Variants in H3-3B observed in about 807,000 individuals in gnomAD.
H3-3B encodes the protein H3.3 histone B, also known as histone H3.3.
Under a neutral mutation model 13.1 loss-of-function variants are expected in H3-3B, and 2 were observed. The observed-to-expected ratio is 0.15, with a 90% CI of 0.06 to 0.48. The LOEUF (loss-of-function observed/expected upper bound fraction) is 0.48. H3-3B is among the 20% of genes least tolerant of loss of function. The probability of loss-of-function intolerance (pLI) is 0.97; values close to 1 mark genes in which losing one functional copy is unlikely to be tolerated. For synonymous variants in H3-3B, 133 were observed against 75.8 expected (o/e 1.76, Z -3.92); for missense variants, 39 against 186.0 (o/e 0.21, Z 4.60).
chr17:75,779,124 G>C lies in H3-3B; in HGVS notation c.51C>G (p.Pro17=), dbSNP rs762748626. The stretch of plus-strand genomic sequence containing the variant: ...CGGCTTTCGTGGCCAGCTGTTTGCG[G>C]GGGGCTTTCCCACCGGTGGACTTAC... ...TARKSTGGKA[P]RKQLATKAAR... is the part of the protein sequence containing the mutation. The change falls in exon 2 of 4, where the codon CCC becomes CCG. Residue 17 remains proline (P), a synonymous_variant. Transcript: ENST00000254810. 9 of 1,603,764 alleles carry C rather than the reference G, an allele frequency of 5.6e-6. No homozygotes were observed. The Admixed American group carries it at 8.8e-5, about 16-fold the overall frequency.
intron 1 of H3-3B, 172 bp from the exon 2 acceptor site, chr17:75,779,356 C>T: frequency 1.7e-6 from 1 of 591,722 alleles, no homozygotes. Context: ...CCCCTAATGA[C>T]TCAGGCTGCG....
At chr17:75,779,438 C>T (rs991393336) in intron 1 of H3-3B, 2 of 318,760 alleles carry the variant, frequency 6.3e-6, no homozygotes, top group Non-Finnish European at 5.7e-6. Flanking sequence ...GGCGGAGGCC[C>T]GACTGCCCGG....
rs1006663660 is a variant in H3-3B, at chr17:75,776,879, G to A, written c.*1716C>T. ...AATCAAGTGTGCTTGTTCCAGAGCT[G>A]ATTATGAACTTTCTAGAAAAGCGGG... is the stretch of plus-strand genomic sequence containing the variant. On this transcript the variant is annotated 3_prime_UTR_variant, in exon 4 of 4. Coordinates refer to ENST00000254810, the MANE Select transcript of H3-3B (RefSeq NM_005324.5). 3 of 152,192 alleles carry A rather than the reference G, an allele frequency of 2.0e-5. No individual in the cohort carries two copies. Among genetic ancestry groups the A allele is most frequent in the Non-Finnish European group, 4.4e-5 (3 of 68,040 alleles). The allele number at this position is 152,192 out of a possible 1,614,324, so 9.4% of individuals were successfully genotyped here.
Position 75,778,058 on chromosome 17 carries a change from T to C in H3-3B, c.*537A>G, listed in dbSNP as rs1056934542. 3 of 152,658 alleles carry C rather than the reference T, an allele frequency of 2.0e-5. No individual in the cohort carries two copies. The highest frequency in any genetic ancestry group is 7.2e-5 in the African/African-American group (3 of 41,414). 9.5% of individuals were successfully genotyped at this position (152,658 alleles called of 1,614,324 possible). On this transcript the variant is annotated 3_prime_UTR_variant, in exon 4 of 4. Transcript: ENST00000254810. ...ACATTTAATTTAAAAATGTTGATAC[T>C]ACAATATATAAAATAGCTATTATAA...
intron 1 of H3-3B, 192 bp downstream of exon 1, chr17:75,779,465 C>A: frequency 7.4e-6 from 2 of 270,502 alleles, no homozygotes; most frequent in South Asian, 1.5e-4. Context: ...GCGTCGGGAC[C>A]TCTGAATCAC....
Position 75,778,745 on chromosome 17 carries a change from C to A in H3-3B, c.283-22G>T, listed in dbSNP as rs778487795. 4 of 1,614,170 alleles carry A rather than the reference C, an allele frequency of 2.5e-6. No individual in the cohort carries two copies. The East Asian group carries it at 8.9e-5, about 36-fold the overall frequency. On this transcript the variant is annotated intron_variant, in intron 3 of 3. Coordinates refer to ENST00000254810, the MANE Select transcript of H3-3B (RefSeq NM_005324.5). ...CCTCCTGTTGAGGACGAGAGCCGCA[C>A]TATTAATCCCACTCGGGGAGCGGAA...
In H3-3B at chr17:75,779,719, G is replaced by C. The variant is rs1450927883; in HGVS notation, c.-73C>G. 6.4e-6 allele frequency: 1 copy of C among 155,848 alleles called. No homozygotes were observed. Among genetic ancestry groups the C allele is most frequent in the Non-Finnish European group, 1.5e-5 (1 of 68,122 alleles). 9.7% of individuals were successfully genotyped at this position (155,848 alleles called of 1,614,324 possible). A position where few individuals can be genotyped will look rare whatever the true frequency, so the allele number is the denominator to read the frequency against. ...CGCCGCTTCCGCTGCCCGAGGAAGA[G>C]CCGCAGTCGACGAGCGAAAAACCAG... On this transcript the variant is annotated 5_prime_UTR_variant, in exon 1 of 4. Coordinates refer to ENST00000254810, the MANE Select transcript of H3-3B (RefSeq NM_005324.5).
chr17:75,779,248 G>T, intron 1 of H3-3B, 64 bp from the exon 2 acceptor site: 1 of 1,395,128 alleles, frequency 7.2e-7, no homozygotes, highest in Non-Finnish European at 9.3e-7. Flanking sequence ...AGGGCTGCGG[G>T]GGGAGGAACA....
intron 3 of H3-3B, 25 bp from the exon 4 acceptor site, chr17:75,778,748 T>C: frequency 6.2e-7 from 1 of 1,614,120 alleles, no homozygotes. Flanking sequence ...AGCCGCACTA[T>C]TAATCCCACT....
Position 75,777,324 on chromosome 17 carries a change from C to T in H3-3B, c.*1271G>A, listed in dbSNP as rs1361278412. 1.3e-5 allele frequency: 2 copies of T among 152,392 alleles called. No homozygotes were observed. The highest frequency in any genetic ancestry group is 4.8e-5 in the African/African-American group (2 of 41,420). 9.4% of individuals were successfully genotyped at this position (152,392 alleles called of 1,614,324 possible). ...GCTGTTCACATGCTTTCTACAGTATCTTTATAAATAAAAGGTTCCTTTATC... is the reference window on the plus strand; with the variant it reads ...GCTGTTCACATGCTTTCTACAGTATTTTTATAAATAAAAGGTTCCTTTATC... On this transcript the variant is annotated 3_prime_UTR_variant, in exon 4 of 4. Transcript: ENST00000254810.
At position 75,778,802 on chromosome 17, in the gene H3-3B, T is replaced by C. The variant is rs1376482349; in HGVS notation, c.282+8A>G. 1.9e-6 allele frequency: 3 copies of C among 1,614,150 alleles called. No homozygotes were observed. The highest frequency in any genetic ancestry group is 1.1e-5 in the South Asian group (1 of 91,082). Reference sequence around the variant, plus strand: ...CAGCCCTCCCCCGGCTCCAGGCCTTTGTCTTACCTGCAGCGCACCGATGGC... The same window carrying C: ...CAGCCCTCCCCCGGCTCCAGGCCTTCGTCTTACCTGCAGCGCACCGATGGC... On this transcript the variant is annotated splice_region_variant and intron_variant, in intron 3 of 3. Transcript: ENST00000254810.
Position 75,778,735 on chromosome 17 carries a change from G to A in H3-3B, c.283-12C>T, listed in dbSNP as rs774480907. The stretch of plus-strand genomic sequence containing the variant: ...GCTTCGCTAGCCTCCTGTTGAGGAC[G>A]AGAGCCGCACTATTAATCCCACTCG... On this transcript the variant is annotated splice_polypyrimidine_tract_variant and intron_variant, in intron 3 of 3. Transcript: ENST00000254810. 12 of 1,614,142 alleles carry A rather than the reference G, an allele frequency of 7.4e-6. No individual in the cohort carries two copies. The highest frequency in any genetic ancestry group is 1.0e-5 in the Non-Finnish European group (12 of 1,180,014).
rs200368963 is a variant in H3-3B, at chr17:75,779,067, C to G, written c.108G>C (p.Val36=). 499 of 1,605,934 alleles carry G rather than the reference C, an allele frequency of 3.1e-4. 1 individual carries two copies. The East Asian group carries it at 5.6e-3, about 18-fold the overall frequency. The change falls in exon 2 of 4, where the codon GTG becomes GTC. Residue 36 remains valine, a synonymous_variant. Coordinates refer to ENST00000254810, the MANE Select transcript of H3-3B (RefSeq NM_005324.5). ...CCTACCTGTAGCGATGAGGCTTCTT[C>G]ACCCCGCCGGTAGAGGGAGCGCTTT... is the stretch of plus-strand genomic sequence containing the variant. The part of the protein sequence containing the change: ...ARKSAPSTGG[V]KKPHRYRPGT...
rs572158192 is a variant in H3-3B, at chr17:75,778,499, C to G, written c.*96G>C. 5 of 1,494,106 alleles carry G rather than the reference C, an allele frequency of 3.3e-6. No individual in the cohort carries two copies. In the Admixed American group the frequency reaches 6.1e-5, roughly 18 times the overall value. 92.6% of individuals were successfully genotyped at this position (1,494,106 alleles called of 1,614,324 possible). ...AGATGGAATGACTTAAGTACAAATG[C>G]AACATATTATAAACAATTTCTTACA... is the stretch of plus-strand genomic sequence containing the variant. On this transcript the variant is annotated 3_prime_UTR_variant, in exon 4 of 4. Transcript: ENST00000254810.
intron 3 of H3-3B, 36 bp downstream of exon 3, chr17:75,778,774 G>A (rs746136410): frequency 3.7e-6 from 6 of 1,614,072 alleles, no homozygotes; most frequent in South Asian, 1.1e-5. Flanking sequence ...AGCGGAAACC[G>A]CCCAGCCCTC....
In H3-3B at chr17:75,777,804, C is replaced by T. The variant is rs981789590; in HGVS notation, c.*791G>A. On this transcript the variant is annotated 3_prime_UTR_variant, in exon 4 of 4. Transcript: ENST00000254810. ...GTTCAGAATGTTAGTTAAGATGATG[C>T]TGGTGTGAATAACTCGTTTTTTCTA... is the stretch of plus-strand genomic sequence containing the variant. 1 of 152,576 alleles carries T rather than the reference C, an allele frequency of 6.6e-6. No individual in the cohort carries two copies. The highest frequency in any genetic ancestry group is 2.4e-5 in the African/African-American group (1 of 41,456). The allele number at this position is 152,576 out of a possible 1,614,324, so 9.5% of individuals were successfully genotyped here. A position where few individuals can be genotyped will look rare whatever the true frequency, so the allele number is the denominator to read the frequency against.
chr17:75,777,785 A>G lies in H3-3B; in HGVS notation c.*810T>C, dbSNP rs1250213402. 2 of 152,586 alleles carry G rather than the reference A, an allele frequency of 1.3e-5. No individual in the cohort carries two copies. Among genetic ancestry groups the G allele is most frequent in the Non-Finnish European group, 2.9e-5 (2 of 68,048 alleles). The allele number at this position is 152,586 out of a possible 1,614,324, so 9.5% of individuals were successfully genotyped here. On this transcript the variant is annotated 3_prime_UTR_variant, in exon 4 of 4. Coordinates refer to ENST00000254810, the MANE Select transcript of H3-3B (RefSeq NM_005324.5). Reference sequence around the variant, plus strand: ...TGAAAAGCTGCACTAACTAGTTCAGAATGTTAGTTAAGATGATGCTGGTGT... The same window carrying G: ...TGAAAAGCTGCACTAACTAGTTCAGGATGTTAGTTAAGATGATGCTGGTGT...
At chr17:75,779,278 G>A (rs1443530454) in intron 1 of H3-3B, 94 bp from the exon 2 acceptor site, 5 of 1,259,948 alleles carry the variant, frequency 4.0e-6, no homozygotes, top group East Asian at 6.3e-5. Flanking sequence ...CCCACCGCCG[G>A]GCCTCCCGCC....
chr17:75,777,082 G>C lies in H3-3B; in HGVS notation c.*1513C>G, dbSNP rs952415951. The C allele has an allele frequency of 6.6e-6, 1 of 152,152 alleles. No homozygotes were observed. Among genetic ancestry groups the C allele is most frequent in the Admixed American group, 6.5e-5 (1 of 15,278 alleles). 9.4% of individuals were successfully genotyped at this position (152,152 alleles called of 1,614,324 possible). A position where few individuals can be genotyped will look rare whatever the true frequency, so the allele number is the denominator to read the frequency against. ...ACGTGGAACGCTTTGATGACTGCTG[G>C]CTCTCATGCTGTCTCACTGACATCC... On this transcript the variant is annotated 3_prime_UTR_variant, in exon 4 of 4. Transcript: ENST00000254810.
Sources: gnomAD v4.1 joint callset for allele counts on GRCh38, gnomAD v4.1.1 for gene constraint, MANE v1.5 for transcripts, NCBI Gene and HGNC (gene_info 2026-07-23, HGNC 2026-07-21) for gene names.